PDE4D: variants seen among roughly 807,000 people sequenced by gnomAD.
PDE4D encodes phosphodiesterase 4D.
Under a neutral mutation model 87.4 loss-of-function variants are expected in PDE4D, and 24 were observed. The observed-to-expected ratio is 0.27, with a 90% CI of 0.20 to 0.39. PDE4D has a LOEUF of 0.39. Ranked by LOEUF, PDE4D falls within the 10% of genes least tolerant of loss-of-function variation. The pLI is 1.00. For missense variants in PDE4D, 714 were observed against 1,041.0 expected, an observed-to-expected ratio of 0.69 and a Z score of 4.32; for synonymous variants, 384 against 383.2, an observed-to-expected ratio of 1.00 and a Z score of -0.02.
In PDE4D at chr5:59,346,970, G is replaced by A. The variant is rs1032428577; in HGVS notation, c.456-131002C>T. The stretch of plus-strand genomic sequence containing the variant: ...TAGAACCCACAAATAAAAGCTTTTC[G>A]TCAGGTACAACCTGAAGATGGCAGA... On this transcript the variant is annotated intron_variant, in intron 1 of 14. Transcript: ENST00000340635. 3.9e-5 allele frequency among the ~76,000 whole-genome samples: 6 copies of A among 152,238 alleles called. No individual in the cohort carries two copies. In the East Asian group the frequency reaches 7.7e-4, roughly 20 times the overall value.
intron 8 of PDE4D, among the ~76,000 whole-genome samples, 175 bp downstream of exon 8, chr5:58,991,657 C>T (rs959346384): frequency 6.6e-6 from 1 of 151,662 alleles, no homozygotes; most frequent in African/African-American, 2.4e-5. Context: ...CATACCAAAC[C>T]ACCTGTCTAA....
chr5:60,373,348 C>T (rs1327038083), intron 1 of PDE4D, among the ~76,000 whole-genome samples: 1 of 152,188 alleles, frequency 6.6e-6, no homozygotes, highest in Non-Finnish European at 1.5e-5. Flanking sequence ...TGGTCAGCCA[C>T]ACTCCCCTGC....
intron 1 of PDE4D, among the ~76,000 whole-genome samples, chr5:59,439,514 A>G (rs1038509006): frequency 2.0e-5 from 3 of 152,228 alleles, no homozygotes; most frequent in Non-Finnish European, 4.4e-5. Flanking sequence ...TTATTCACTC[A>G]TTCAACAAAT....
chr5:59,412,966 C>T (rs1189499607), intron 1 of PDE4D, among the ~76,000 whole-genome samples: 1 of 149,682 alleles, frequency 6.7e-6, no homozygotes, highest in Admixed American at 6.6e-5. Context: ...GATATGAAAT[C>T]AGCCAAATTT....
intron 1 of PDE4D, among the ~76,000 whole-genome samples, chr5:59,484,094 T>C (rs1804705808): frequency 1.3e-5 from 2 of 152,202 alleles, no homozygotes; most frequent in African/African-American, 4.8e-5. Flanking sequence ...CCAGCTCCTC[T>C]GGTTATGTTC....
intron 2 of PDE4D, among the ~76,000 whole-genome samples, chr5:59,210,269 T>C (rs1749789084): frequency 6.6e-6 from 1 of 152,238 alleles, no homozygotes; most frequent in African/African-American, 2.4e-5. Flanking sequence ...ATATTCTTCC[T>C]AGTGAGACCA....
chr5:59,117,153 A>G (rs1773743682), intron 5 of PDE4D, among the ~76,000 whole-genome samples: 1 of 152,164 alleles, frequency 6.6e-6, no homozygotes, highest in Non-Finnish European at 1.5e-5. Flanking sequence ...ATTTCTCACC[A>G]CAGAAGTTAC....
chr5:59,732,722 T>C (rs1757546916), intron 1 of PDE4D, among the ~76,000 whole-genome samples: 1 of 152,032 alleles, frequency 6.6e-6, no homozygotes, highest in Admixed American at 6.6e-5. Flanking sequence ...CTGAAAAAGA[T>C]GGTAAAGGAA....
chr5:59,761,035 C>T (rs569622469), intron 1 of PDE4D, among the ~76,000 whole-genome samples: 1 of 152,240 alleles, frequency 6.6e-6, no homozygotes, highest in African/African-American at 2.4e-5. Flanking sequence ...TTAGAGTGTA[C>T]TTACACAAAC....
chr5:59,608,958 A>G (rs1828609051), intron 1 of PDE4D, among the ~76,000 whole-genome samples: 1 of 152,124 alleles, frequency 6.6e-6, no homozygotes, highest in Admixed American at 6.6e-5. Context: ...TTAGCCCTAT[A>G]GAGAGGCCCA....
intron 2 of PDE4D, among the ~76,000 whole-genome samples, chr5:60,148,361 A>G (rs572637930): frequency 1.3e-5 from 2 of 152,298 alleles, no homozygotes; most frequent in Non-Finnish European, 2.9e-5. Context: ...ATAATAATAA[A>G]AATCATTGTT....
At chr5:59,688,834 AAAG>A (rs200695388) in intron 1 of PDE4D, among the ~76,000 whole-genome samples, 8,732 of 152,292 alleles carry the variant, frequency 0.057, 276 homozygotes, top group African/African-American at 0.079. Flanking sequence ...CAAGACTAAT[AAAG>A]AAGAAAGGGA....
chr5:59,211,008 T>G (rs893118918), intron 2 of PDE4D, among the ~76,000 whole-genome samples: 1 of 152,220 alleles, frequency 6.6e-6, no homozygotes, highest in South Asian at 2.1e-4. Context: ...CAGAAGTGAT[T>G]GTTATTCAGA....
At chr5:59,163,281 T>C (rs1781426396) in intron 5 of PDE4D, among the ~76,000 whole-genome samples, 2 of 151,156 alleles carry the variant, frequency 1.3e-5, no homozygotes, top group Non-Finnish European at 3.0e-5. Flanking sequence ...CAATCTTTTT[T>C]TTTTTTTTTT....
intron 2 of PDE4D, among the ~76,000 whole-genome samples, chr5:60,146,272 A>G (rs1195574443): frequency 6.6e-6 from 1 of 152,194 alleles, no homozygotes; most frequent in African/African-American, 2.4e-5. Flanking sequence ...TCAGCACAGA[A>G]CCTAGCACCT....
chr5:60,233,038 A>G (rs1451229581), intron 1 of PDE4D, among the ~76,000 whole-genome samples: 1 of 151,848 alleles, frequency 6.6e-6, no homozygotes, highest in Non-Finnish European at 1.5e-5. Context: ...ATTGGATTCT[A>G]AAACTTAGCT....
chr5:59,223,363 T>C (rs1403559377), intron 1 of PDE4D, among the ~76,000 whole-genome samples: 1 of 152,076 alleles, frequency 6.6e-6, no homozygotes, highest in African/African-American at 2.4e-5. Context: ...GGGTGTAGCT[T>C]GGGGACCTCA....
At chr5:59,047,669 A>G (rs1458692678) in intron 5 of PDE4D, among the ~76,000 whole-genome samples, 1 of 152,208 alleles carries the variant, frequency 6.6e-6, no homozygotes, top group Non-Finnish European at 1.5e-5. Context: ...AGCAAAGAAA[A>G]AGGAAATGTC....
At chr5:59,624,516 C>T (rs796182446) in intron 1 of PDE4D, among the ~76,000 whole-genome samples, 3 of 152,278 alleles carry the variant, frequency 2.0e-5, no homozygotes, top group Admixed American at 6.5e-5. Flanking sequence ...AGGGAGGAGG[C>T]CACAGAGACG....
Sources: gnomAD v4.1 joint callset for allele counts (sites outside exome capture counted in the v4.1 genomes callset) on GRCh38, gnomAD v4.1.1 for gene constraint, MANE v1.5 for transcripts, NCBI Gene and HGNC (gene_info 2026-07-23, HGNC 2026-07-21) for gene names.